Variants in ST6GAL2 observed in about 807,000 individuals in gnomAD.
ST6GAL2 encodes beta-galactoside alpha-2,6-sialyltransferase 2.
ST6GAL2 carries 24 observed loss-of-function variants against 37.5 expected under a neutral mutation model. That is an observed-to-expected ratio of 0.64 (90% CI 0.46 to 0.90). ST6GAL2 has a LOEUF of 0.90. Ranked by LOEUF, ST6GAL2 falls within the 40% of genes least tolerant of loss-of-function variation. The pLI is 0.00. For synonymous variants in ST6GAL2, 306 were observed against 295.1 expected (o/e 1.04, Z -0.38); for missense variants, 715 against 712.7 (o/e 1.00, Z -0.04).
chr2:106,879,814 C>T (rs1007345749), intron 1 of ST6GAL2, among the ~76,000 whole-genome samples: 1 of 146,862 alleles, frequency 6.8e-6, no homozygotes, highest in Admixed American at 6.8e-5. Context: ...AAATTATATA[C>T]TATTATATAT....
chr2:106,884,127 G>A (rs779240735), intron 1 of ST6GAL2, among the ~76,000 whole-genome samples: 3 of 151,768 alleles, frequency 2.0e-5, no homozygotes, highest in Non-Finnish European at 4.4e-5. Context: ...ACTCGGGGGT[G>A]GGGGGGTGGA....
At chr2:106,859,287 G>T (rs939408392) in intron 1 of ST6GAL2, among the ~76,000 whole-genome samples, 1 of 152,062 alleles carries the variant, frequency 6.6e-6, no homozygotes, top group Admixed American at 6.5e-5. Context: ...TCCATTTTTT[G>T]AATACTTTTG....
In ST6GAL2 at chr2:106,806,845, C is replaced by T. The variant is rs149599398; in HGVS notation, c.1423G>A (p.Ala475Thr). Reference sequence around the variant, plus strand: ...TGGTACGCCCCGAGGGTGCAGGCTGCGTCGTAGTACAGCTCGTGGTAGTGG... The same window carrying T: ...TGGTACGCCCCGAGGGTGCAGGCTGTGTCGTAGTACAGCTCGTGGTAGTGG... ...LCHYHELYYD[A>T]ACTLGAYHPL... Residue 475 changes from alanine (A) to threonine (T), a missense_variant, in exon 6 of 6, where the codon GCA (alanine) becomes ACA (threonine). Coordinates refer to ENST00000409382, the MANE Select transcript of ST6GAL2 (RefSeq NM_001142351.2). 2.3e-5 allele frequency: 37 copies of T among 1,614,014 alleles called. No homozygotes were observed. The highest frequency in any genetic ancestry group is 3.0e-5 in the Non-Finnish European group (35 of 1,180,052).
intron 5 of ST6GAL2, among the ~76,000 whole-genome samples, chr2:106,814,572 C>G (rs1675729263): frequency 6.6e-6 from 1 of 151,644 alleles, no homozygotes; most frequent in African/African-American, 2.4e-5. Flanking sequence ...AAAAGGAGTT[C>G]CACGTCTATG....
At chr2:106,882,316 G>C (rs1371145332) in intron 1 of ST6GAL2, among the ~76,000 whole-genome samples, 1 of 152,118 alleles carries the variant, frequency 6.6e-6, no homozygotes, top group African/African-American at 2.4e-5. Context: ...AATAGCATGG[G>C]TTTTGGACAC....
intron 1 of ST6GAL2, among the ~76,000 whole-genome samples, chr2:106,854,314 T>G (rs1320837754): frequency 5.9e-5 from 9 of 152,212 alleles, no homozygotes; most frequent in Non-Finnish European, 1.3e-4. Context: ...AAGCCTCAGT[T>G]TCATCAAATG....
At position 106,843,630 on chromosome 2, in the gene ST6GAL2, C is replaced by A. The variant is rs774252478; in HGVS notation, c.348G>T (p.Val116=). 11 of 1,613,782 alleles carry A rather than the reference C, an allele frequency of 6.8e-6. No individual in the cohort carries two copies. Among genetic ancestry groups the A allele is most frequent in the Non-Finnish European group, 9.3e-6 (11 of 1,180,040 alleles). ...AGAAAGCACTTTGAGATTTTCTCCC[C>A]ACCTGGGATGAAAAAAACTCTTTAT... is the stretch of plus-strand genomic sequence containing the variant. ...FEHKEFFSSQ[V]GRKSQSAFYP... Residue 116 remains valine (V), a synonymous_variant, in exon 2 of 6, where the codon GTG becomes GTT. Transcript: ENST00000409382.
In ST6GAL2 at chr2:106,843,072, T is replaced by C. The variant is rs752161606; in HGVS notation, c.906A>G (p.Ala302=). ...GLRSCAVVMS[A]GAILNSSLGE... Reference sequence around the variant, plus strand: ...CCAAGGAAGAGTTGAGGATTGCGCCTGCAGACATGACGACAGCGCAGCTGC... The same window carrying C: ...CCAAGGAAGAGTTGAGGATTGCGCCCGCAGACATGACGACAGCGCAGCTGC... Residue 302 remains alanine, a synonymous_variant, in exon 2 of 6, where the codon GCA becomes GCG. Coordinates refer to ENST00000409382, the MANE Select transcript of ST6GAL2 (RefSeq NM_001142351.2). 3.4e-6 allele frequency: 5 copies of C among 1,488,412 alleles called. No homozygotes were observed. The highest frequency in any genetic ancestry group is 2.5e-5 in the Admixed American group (1 of 40,158). 92.2% of individuals were successfully genotyped at this position (1,488,412 alleles called of 1,614,324 possible).
At position 106,843,995 on chromosome 2, in the gene ST6GAL2, A is replaced by C; in HGVS notation, c.-18T>G. The C allele has an allele frequency of 7.1e-6, 11 of 1,547,956 alleles. No homozygotes were observed. The highest frequency in any genetic ancestry group is 9.6e-6 in the Non-Finnish European group (11 of 1,150,120). On this transcript the variant is annotated 5_prime_UTR_variant, in exon 2 of 6. Coordinates refer to ENST00000409382, the MANE Select transcript of ST6GAL2 (RefSeq NM_001142351.2). The stretch of plus-strand genomic sequence containing the variant: ...GGTTTCATGGCAGGTCTCTGCGGTC[A>C]GCACCTTGTGTCTTAATGCAGATGG...
Position 106,843,342 on chromosome 2 carries a change from G to C in ST6GAL2, c.636C>G (p.Val212=), listed in dbSNP as rs1326606297. ...AFLYRLWKGN[V]SSKMLNPRLQ... ...GGCGCGGGTTCAGCATTTTGGAAGA[G>C]ACGTTCCCCTTCCAGAGCCGGTACA... The change falls in exon 2 of 6, where the codon GTC becomes GTG. Residue 212 remains valine, a synonymous_variant. Coordinates refer to ENST00000409382, the MANE Select transcript of ST6GAL2 (RefSeq NM_001142351.2). 6.2e-7 allele frequency: 1 copy of C among 1,613,984 alleles called. No homozygotes were observed. The highest frequency in any genetic ancestry group is 1.3e-5 in the African/African-American group (1 of 74,922).
In ST6GAL2 at chr2:106,802,436, TATTAC is replaced by T. The variant is rs1675287568; in HGVS notation, c.*4237_*4241del. 1 of 147,702 alleles carries T rather than the reference TATTAC, an allele frequency of 6.8e-6. No individual in the cohort carries two copies. Among genetic ancestry groups the T allele is most frequent in the Non-Finnish European group, 1.5e-5 (1 of 66,452 alleles). The allele number at this position is 147,702 out of a possible 1,614,324, so 9.1% of individuals were successfully genotyped here. A position where few individuals can be genotyped will look rare whatever the true frequency, so the allele number is the denominator to read the frequency against. On this transcript the variant is annotated 3_prime_UTR_variant, in exon 6 of 6. Coordinates refer to ENST00000409382, the MANE Select transcript of ST6GAL2 (RefSeq NM_001142351.2). Reference sequence around the variant, plus strand: ...ATTAGCTCAAGTTTGAACAGAAACATATTACATTACTTTTTTTTTAACCAAAAGGC... The same window carrying T: ...ATTAGCTCAAGTTTGAACAGAAACATATTACTTTTTTTTTAACCAAAAGGC...
rs78367276 is a variant in ST6GAL2 at position 106,859,048 on chromosome 2, C to G, written c.-57-15014G>C. Among the ~76,000 whole-genome samples, 1,330 of 152,244 alleles carry G rather than the reference C, an allele frequency of 8.7e-3. 27 individuals carry two copies. The highest frequency in any genetic ancestry group is 0.03 in the African/African-American group (1,251 of 41,532). On this transcript the variant is annotated intron_variant, in intron 1 of 5. Transcript: ENST00000409382. The stretch of plus-strand genomic sequence containing the variant: ...GAGACCAGGCTGGCTGCCAATGCTG[C>G]GACAGTACAACATATGTGCAAGTGG...
intron 1 of ST6GAL2, among the ~76,000 whole-genome samples, chr2:106,866,991 T>TA (rs1457461541): frequency 6.6e-6 from 1 of 152,170 alleles, no homozygotes; most frequent in African/African-American, 2.4e-5. Context: ...AACATACCAA[T>TA]AATTACATTT....
At chr2:106,827,671 G>T (rs1676259933) in intron 5 of ST6GAL2, among the ~76,000 whole-genome samples, 1 of 152,186 alleles carries the variant, frequency 6.6e-6, no homozygotes, top group African/African-American at 2.4e-5. Flanking sequence ...TGGGACAATG[G>T]AATTGTTCTC....
chr2:106,822,600 C>T (rs1676045883), intron 5 of ST6GAL2, among the ~76,000 whole-genome samples: 4 of 151,972 alleles, frequency 2.6e-5, no homozygotes, highest in Admixed American at 1.3e-4. Flanking sequence ...AAATACAATC[C>T]CTATCAAAAT....
intron 2 of ST6GAL2, among the ~76,000 whole-genome samples, chr2:106,836,634 A>G (rs1676650130): frequency 6.6e-6 from 1 of 151,852 alleles, no homozygotes; most frequent in African/African-American, 2.4e-5. Flanking sequence ...TGTTATAAAG[A>G]GTTGAAACAC....
At position 106,804,174 on chromosome 2, in the gene ST6GAL2, A is replaced by G. The variant is rs1675343030; in HGVS notation, c.*2504T>C. ...ACTCTTCAGTCTTTCTTGTAACCTC[A>G]ATGAAACTGAAAGTACTATTTTAAA... On this transcript the variant is annotated 3_prime_UTR_variant, in exon 6 of 6. Coordinates refer to ENST00000409382, the MANE Select transcript of ST6GAL2 (RefSeq NM_001142351.2). 6.6e-6 allele frequency: 1 copy of G among 152,140 alleles called. No homozygotes were observed. The highest frequency in any genetic ancestry group is 2.1e-4 in the South Asian group (1 of 4,780). 9.4% of individuals were successfully genotyped at this position (152,140 alleles called of 1,614,324 possible). A position where few individuals can be genotyped will look rare whatever the true frequency, so the allele number is the denominator to read the frequency against.
intron 5 of ST6GAL2, chr2:106,813,003 G>A: frequency 8.3e-7 from 1 of 1,208,064 alleles, no homozygotes; most frequent in Middle Eastern, 3.2e-4. Flanking sequence ...TTGATAGGCA[G>A]ATCAAGATTT....
intron 5 of ST6GAL2, among the ~76,000 whole-genome samples, chr2:106,826,323 G>A (rs1441680162): frequency 1.3e-5 from 2 of 152,134 alleles, no homozygotes; most frequent in African/African-American, 4.8e-5. Flanking sequence ...ATGGTGGAAG[G>A]CAAAGTCAGA....
Sources: allele counts gnomAD v4.1 joint callset (sites outside exome capture counted in the v4.1 genomes callset), GRCh38; gene constraint gnomAD v4.1.1; transcripts MANE v1.5; gene names NCBI Gene and HGNC (gene_info 2026-07-23, HGNC 2026-07-21).